SPATA9: variants seen among roughly 807,000 people sequenced by gnomAD.
The protein encoded by SPATA9 is spermatogenesis-associated protein 9.
A neutral mutation model predicts 25.5 loss-of-function variants in SPATA9; 27 were observed. The observed-to-expected ratio is 1.06, with a 90% CI of 0.78 to 1.46. The LOEUF is 1.46. Ranked by LOEUF, SPATA9 falls within the 40% of genes most tolerant of loss-of-function variation. The probability of loss-of-function intolerance (pLI) is 0.00; values close to 1 mark genes in which losing one functional copy is unlikely to be tolerated. For synonymous variants in SPATA9, 102 were observed against 105.7 expected, an observed-to-expected ratio of 0.97 and a Z score of 0.21; for missense variants, 282 against 297.5, an observed-to-expected ratio of 0.95 and a Z score of 0.38.
chr5:95,686,448 A>T (rs1753748687), upstream of SPATA9, among the ~76,000 whole-genome samples: 1 of 152,234 alleles, frequency 6.6e-6, no homozygotes, highest in African/African-American at 2.4e-5. Flanking sequence ...GTTAAAAAAA[A>T]AACTAGGAAA....
At chr5:95,665,807 A>C (rs1365128477) in intron 3 of SPATA9, among the ~76,000 whole-genome samples, 1 of 152,166 alleles carries the variant, frequency 6.6e-6, no homozygotes, top group East Asian at 1.9e-4. Context: ...CATCTCTACT[A>C]AAAATACAAA....
At position 95,691,381 on chromosome 5, in the gene SPATA9, T is replaced by C. The variant is rs561398021; in HGVS notation, n.124+7207A>G. On this transcript the variant is annotated intron_variant and non_coding_transcript_variant, in intron 1 of 2. Transcript: ENST00000379990. ...TACGAAATACCACTTTTGTCATATA[T>C]GTTTATATATAAACACATACACACA... Among the ~76,000 whole-genome samples, 8 of 152,346 alleles carry C rather than the reference T, an allele frequency of 5.3e-5. No individual in the cohort carries two copies. The East Asian group carries it at 1.5e-3, about 29-fold the overall frequency.
intron 4 of SPATA9, among the ~76,000 whole-genome samples, chr5:95,662,029 A>G (rs771520184): frequency 1.3e-5 from 2 of 152,212 alleles, no homozygotes; most frequent in South Asian, 4.1e-4. Flanking sequence ...AGTTATTAAG[A>G]TATAAAGCTC....
At chr5:95,657,878 C>T (rs962288208), downstream of SPATA9, 7 of 152,142 alleles carry the variant, frequency 4.6e-5, no homozygotes, top group African/African-American at 1.7e-4. Flanking sequence ...CCAGTCAGGT[C>T]TTAACACATG....
At chr5:95,722,898 T>C in the SPATA9 span, among the ~76,000 whole-genome samples, 28 of 152,024 alleles carry the variant, frequency 1.8e-4, no homozygotes, top group African/African-American at 6.8e-4. Flanking sequence ...AAACAGGGAG[T>C]TCTGATTCAA....
At chr5:95,708,568 CAGCT>C in the SPATA9 span, 1 of 696,090 alleles carries the variant, frequency 1.4e-6, no homozygotes, top group Non-Finnish European at 2.6e-6. Context: ...AGTATCTCGA[CAGCT>C]AGCGTCAGGG....
chr5:95,654,203 G>A, downstream of SPATA9: 1 of 1,613,020 alleles, frequency 6.2e-7, no homozygotes, highest in African/African-American at 1.3e-5. Flanking sequence ...CTACCACAAG[G>A]GAGAATATCA....
At chr5:95,696,858 A>G (rs1754036246) in intron 1 of SPATA9, among the ~76,000 whole-genome samples, 1 of 152,218 alleles carries the variant, frequency 6.6e-6, no homozygotes, top group African/African-American at 2.4e-5. Flanking sequence ...CCTGTCTCCA[A>G]GTGAAACAAA....
chr5:95,731,869 A>T, the SPATA9 span: 2 of 1,612,818 alleles, frequency 1.2e-6, no homozygotes, highest in Non-Finnish European at 1.7e-6. Context: ...GTCCATCCAC[A>T]TCGTGGCGCT....
At chr5:95,681,805 T>C (rs566787100) in intron 2 of SPATA9, among the ~76,000 whole-genome samples, 1 of 152,348 alleles carries the variant, frequency 6.6e-6, no homozygotes, top group Admixed American at 6.5e-5. Flanking sequence ...ATACCTCATG[T>C]TTGACATTGT....
At chr5:95,725,808 CTT>C in the SPATA9 span, among the ~76,000 whole-genome samples, 10 of 139,726 alleles carry the variant, frequency 7.2e-5, no homozygotes, top group Admixed American at 7.1e-5. Context: ...TGGAATTCTT[CTT>C]TTTTTTTTTT....
intron 1 of SPATA9, among the ~76,000 whole-genome samples, chr5:95,695,752 G>A (rs1471103276): frequency 6.6e-6 from 1 of 152,108 alleles, no homozygotes; most frequent in African/African-American, 2.4e-5. Flanking sequence ...CATATGATAT[G>A]CAGCTTCTTA....
chr5:95,654,382 A>AT, downstream of SPATA9: 1 of 1,546,108 alleles, frequency 6.5e-7, no homozygotes, highest in Non-Finnish European at 8.8e-7. Flanking sequence ...GTAAAATTAA[A>AT]TTTATTTTCA....
chr5:95,698,112 G>A (rs1025745989), intron 1 of SPATA9, among the ~76,000 whole-genome samples: 1 of 151,986 alleles, frequency 6.6e-6, no homozygotes, highest in Non-Finnish European at 1.5e-5. Context: ...TTTTCTTTTG[G>A]TACATAATAG....
the SPATA9 span, among the ~76,000 whole-genome samples, chr5:95,712,864 A>T: frequency 5.8e-4 from 89 of 152,260 alleles, no homozygotes; most frequent in Non-Finnish European, 5.0e-4. Context: ...TAGAACAAAC[A>T]GGGAATGCCT....
At chr5:95,716,149 C>A in the SPATA9 span, among the ~76,000 whole-genome samples, 4 of 152,206 alleles carry the variant, frequency 2.6e-5, no homozygotes, top group South Asian at 8.3e-4. Flanking sequence ...CCCACTGGGG[C>A]ATTGCCTAGT....
upstream of SPATA9, among the ~76,000 whole-genome samples, chr5:95,701,910 T>C (rs1754186059): frequency 6.6e-6 from 1 of 152,196 alleles, no homozygotes; most frequent in African/African-American, 2.4e-5. Flanking sequence ...AGTAATGTTC[T>C]AGAAAAAAAC....
At chr5:95,710,490 T>G in the SPATA9 span, among the ~76,000 whole-genome samples, 1 of 152,228 alleles carries the variant, frequency 6.6e-6, no homozygotes, top group South Asian at 2.1e-4. Flanking sequence ...CTGTAGCTGC[T>G]ACTGCTCGCA....
At chr5:95,708,329 G>T in the SPATA9 span, among the ~76,000 whole-genome samples, 1 of 152,010 alleles carries the variant, frequency 6.6e-6, no homozygotes, top group African/African-American at 2.4e-5. Context: ...TTTGGATGGT[G>T]AACATAGTGC....
Sources: allele counts gnomAD v4.1 joint callset (sites outside exome capture counted in the v4.1 genomes callset), GRCh38; gene constraint gnomAD v4.1.1; transcripts MANE v1.5; gene names NCBI Gene and HGNC (gene_info 2026-07-23, HGNC 2026-07-21).